RBM4B: variants seen among roughly 807,000 people sequenced by gnomAD.
RBM4B encodes the protein RNA binding motif protein 4B, also known as RNA-binding protein 4B.
In RBM4B, 13 loss-of-function variants were observed where a neutral mutation model predicts 28.5. The observed-to-expected ratio is 0.46, with a 90% CI of 0.30 to 0.72. RBM4B has a LOEUF of 0.72. RBM4B is among the 30% of genes least tolerant of loss of function. The pLI is 0.09. For synonymous variants in RBM4B, 167 were observed against 179.1 expected (o/e 0.93, Z 0.54); for missense variants, 387 against 477.6 (o/e 0.81, Z 1.77).
At position 66,677,104 on chromosome 11, in the gene RBM4B, C is replaced by A. The variant is rs1939663681; in HGVS notation, c.-12-13G>T. 5 of 1,606,358 alleles carry A rather than the reference C, an allele frequency of 3.1e-6. No individual in the cohort carries two copies. Among genetic ancestry groups the A allele is most frequent in the South Asian group, 1.1e-5 (1 of 90,688 alleles). On this transcript the variant is annotated splice_polypyrimidine_tract_variant and intron_variant, in intron 1 of 3. Coordinates refer to ENST00000310046, the MANE Select transcript of RBM4B (RefSeq NM_031492.4). ...TCCTGACAAGAGCCTGGGAGAGAAA[C>A]ACAAGACTTCAAAAGTCAGGGGTGT... is the stretch of plus-strand genomic sequence containing the variant.
Position 66,669,786 on chromosome 11 carries a change from A to G in RBM4B, c.413-495T>C, listed in dbSNP as rs1939403232. ...ATACAGATGAGAGCTAGAAAATTTGATTCCTCAGAGACCAGTCAATACTTT... is the reference window on the plus strand; with the variant it reads ...ATACAGATGAGAGCTAGAAAATTTGGTTCCTCAGAGACCAGTCAATACTTT... On this transcript the variant is annotated intron_variant, in intron 2 of 3. Transcript: ENST00000310046. Among the ~76,000 whole-genome samples the G allele has an allele frequency of 7.2e-5, 11 of 152,208 alleles. No homozygotes were observed. In the South Asian group the frequency reaches 2.3e-3, roughly 31 times the overall value.
intron 3 of RBM4B, chr11:66,666,261 A>G (rs1436849321): frequency 1.2e-5 from 14 of 1,124,728 alleles, no homozygotes; most frequent in Non-Finnish European, 1.4e-5. Flanking sequence ...GGAAAAAAAA[A>G]GTTAACTCAC....
chr11:66,677,696 G>C (rs955675020), intron 1 of RBM4B, 68 bp downstream of exon 1: 3 of 153,320 alleles, frequency 2.0e-5, no homozygotes, highest in Non-Finnish European at 4.4e-5. Context: ...GGGCCGTGCA[G>C]TCTGCCGGAG....
At chr11:66,674,177 C>CT (rs926208528) in intron 2 of RBM4B, among the ~76,000 whole-genome samples, 5,909 of 124,396 alleles carry the variant, frequency 0.048, 164 homozygotes, top group Middle Eastern at 0.07. Flanking sequence ...ATTTTTTTTT[C>CT]TTTTTTTTTT....
rs146310422 is a variant in RBM4B at position 66,669,003 on chromosome 11, G to A, written c.701C>T (p.Ala234Val). The part of the protein sequence containing the change: ...YRVRSYEAVA[A>V]AAAASAYNYA... The stretch of plus-strand genomic sequence containing the variant: ...GTTGTATGCAGAAGCCGCTGCCGCC[G>A]CTGCTACTGCCTCATAAGAGCGGAC... Residue 234 changes from alanine (A) to valine (V), a missense_variant, in exon 3 of 4, where the codon GCG becomes GTG. Ala to Val is a moderately conservative substitution (Grantham distance 64). This residue lies in a region of RBM4B where 226 missense variants were observed against 220.6 expected (regional missense o/e 1.02). Coordinates refer to ENST00000310046, the MANE Select transcript of RBM4B (RefSeq NM_031492.4). 5.6e-5 allele frequency: 90 copies of A among 1,614,066 alleles called. No homozygotes were observed. Among genetic ancestry groups the A allele is most frequent in the Middle Eastern group, 1.6e-4 (1 of 6,084 alleles).
At chr11:66,673,765 G>A (rs912111385) in intron 2 of RBM4B, among the ~76,000 whole-genome samples, 2 of 152,120 alleles carry the variant, frequency 1.3e-5, no homozygotes, top group African/African-American at 4.8e-5. Flanking sequence ...CCGGGCTCAA[G>A]TGGCCCTTTT....
chr11:66,671,494 A>C (rs1328027276), intron 2 of RBM4B, among the ~76,000 whole-genome samples: 1 of 152,250 alleles, frequency 6.6e-6, no homozygotes, highest in Non-Finnish European at 1.5e-5. Context: ...CAGTCTAAAA[A>C]GGAGCCAATC....
At chr11:66,673,935 C>T (rs1243158740) in intron 2 of RBM4B, among the ~76,000 whole-genome samples, 2 of 152,162 alleles carry the variant, frequency 1.3e-5, no homozygotes, top group South Asian at 2.1e-4. Flanking sequence ...GTTATAAAAA[C>T]GTCTCTATAA....
chr11:66,675,207 GTCA>G (rs1350780527), intron 2 of RBM4B, among the ~76,000 whole-genome samples: 1 of 152,204 alleles, frequency 6.6e-6, no homozygotes, highest in Non-Finnish European at 1.5e-5. Context: ...GCAATCACCT[GTCA>G]TCATAAAGAG....
At chr11:66,665,621 G>C (rs888984731) in intron 3 of RBM4B, 43 bp from the exon 4 acceptor site, 1 of 1,535,560 alleles carries the variant, frequency 6.5e-7, no homozygotes, top group African/African-American at 1.4e-5. Context: ...AATGCCTGGA[G>C]AGCAGCCTGG....
In RBM4B at chr11:66,669,063, G is replaced by A. The variant is rs746374542; in HGVS notation, c.641C>T (p.Ala214Val). The change falls in exon 3 of 4, where the codon GCA becomes GTA. Residue 214 changes from alanine to valine, a missense_variant. Ala to Val is a moderately conservative substitution (Grantham distance 64, BLOSUM62 0). Coordinates refer to ENST00000310046, the MANE Select transcript of RBM4B (RefSeq NM_031492.4). ...CTTATAGTAGTCGAGTGCTCCATATGCATCGTTGTAATACATGGATTCCCC... is the reference window on the plus strand; with the variant it reads ...CTTATAGTAGTCGAGTGCTCCATATACATCGTTGTAATACATGGATTCCCC... Reference protein sequence around the residue: ...GYGESMYYNDAYGALDYYKRY... With the variant: ...GYGESMYYNDVYGALDYYKRY... 124 of 1,614,176 alleles carry A rather than the reference G, an allele frequency of 7.7e-5. 1 individual carries two copies. The South Asian group carries it at 1.3e-3, about 17-fold the overall frequency.
intron 3 of RBM4B, chr11:66,667,231 G>A (rs912030200): frequency 2.2e-4 from 34 of 152,284 alleles, no homozygotes; most frequent in Admixed American, 1.6e-3. Flanking sequence ...TTTCCACTCA[G>A]ATGAAAAGAT....
chr11:66,665,663 G>T, intron 3 of RBM4B, 85 bp from the exon 4 acceptor site: 2 of 1,520,130 alleles, frequency 1.3e-6, no homozygotes, highest in Non-Finnish European at 1.8e-6. Context: ...GTCCTGTCCT[G>T]TATTCCGGGG....
intron 3 of RBM4B, 106 bp downstream of exon 3, chr11:66,668,509 G>T: frequency 1.2e-6 from 1 of 833,444 alleles, no homozygotes; most frequent in Non-Finnish European, 1.9e-6. Flanking sequence ...TGCACCTTTT[G>T]GATACTGTCC....
Position 66,665,426 on chromosome 11 carries a change from C to G in RBM4B, c.*162G>C. 1.5e-6 allele frequency: 1 copy of G among 680,660 alleles called. No individual in the cohort carries two copies. The highest frequency in any genetic ancestry group is 2.5e-4 in the Middle Eastern group (1 of 4,072). The allele number at this position is 680,660 out of a possible 1,614,324, so 42.2% of individuals were successfully genotyped here. On this transcript the variant is annotated 3_prime_UTR_variant, in exon 4 of 4. Coordinates refer to ENST00000310046, the MANE Select transcript of RBM4B (RefSeq NM_031492.4). Reference sequence around the variant, plus strand: ...AGTTTCAGGAGGAAAGAAAAGTCAACTTAGAAGAATTAAGAAAGAAAACAT... The same window carrying G: ...AGTTTCAGGAGGAAAGAAAAGTCAAGTTAGAAGAATTAAGAAAGAAAACAT...
intron 2 of RBM4B, among the ~76,000 whole-genome samples, chr11:66,669,728 G>A (rs1565093819): frequency 6.6e-6 from 1 of 152,264 alleles, no homozygotes; most frequent in Non-Finnish European, 1.5e-5. Context: ...TTACAGGCAT[G>A]CGCCATTGCG....
At chr11:66,675,126 A>G (rs1394385454) in intron 2 of RBM4B, among the ~76,000 whole-genome samples, 2 of 152,280 alleles carry the variant, frequency 1.3e-5, no homozygotes, top group Admixed American at 6.5e-5. Context: ...AAGCAAACCA[A>G]TAAGGAAAGC....
intron 3 of RBM4B, 122 bp from the exon 4 acceptor site, chr11:66,665,700 A>G: frequency 6.8e-7 from 1 of 1,479,608 alleles, no homozygotes; most frequent in Non-Finnish European, 9.0e-7. Flanking sequence ...AACAAAACCA[A>G]GTCAGACTGG....
intron 2 of RBM4B, among the ~76,000 whole-genome samples, chr11:66,673,181 G>T (rs1423850603): frequency 2.0e-5 from 3 of 150,340 alleles, no homozygotes; most frequent in African/African-American, 7.3e-5. Flanking sequence ...TTTACATATA[G>T]GGAAAAAAAA....
Sources: allele counts gnomAD v4.1 joint callset (sites outside exome capture counted in the v4.1 genomes callset), GRCh38; gene constraint gnomAD v4.1.1; regional missense constraint gnomAD v4.1.1; transcripts MANE v1.5; gene names NCBI Gene and HGNC (gene_info 2026-07-23, HGNC 2026-07-21).